The following SPACDR variants were observed in gnomAD, a reference collection of about 807,000 sequenced individuals.
SPACDR encodes uncharacterized protein C7orf61.
At chr7:100,458,195 GGTGTGTGTGTGTGTGTGTGTGTGT>G in the SPACDR span, among the ~76,000 whole-genome samples, 2 of 137,014 alleles carry the variant, frequency 1.5e-5, no homozygotes, top group Admixed American at 7.7e-5. Context: ...TGTACTCACT[GGTGTGTGTGTGTGTGTGTGTGTGT>G]GTGTGTGTGT....
chr7:100,459,893 A>ATT, the SPACDR span, among the ~76,000 whole-genome samples: 1 of 141,410 alleles, frequency 7.1e-6, no homozygotes. Flanking sequence ...CCACATTTAG[A>ATT]TTTTTTTTTT....
chr7:100,463,989 G>A, the SPACDR span: 181 of 1,601,582 alleles, frequency 1.1e-4, no homozygotes, highest in Non-Finnish European at 1.4e-4. Flanking sequence ...TGCCAAGCCC[G>A]TCTAACCCAT....
chr7:100,459,001 CT>C, the SPACDR span, among the ~76,000 whole-genome samples: 950 of 135,240 alleles, frequency 7.0e-3, 5 homozygotes, highest in African/African-American at 0.019. Flanking sequence ...TCCTTTTTAC[CT>C]TTTTTTTTTT....
At chr7:100,462,877 AGGCAGGTGG>A in the SPACDR span, among the ~76,000 whole-genome samples, 1 of 147,278 alleles carries the variant, frequency 6.8e-6, no homozygotes, top group Admixed American at 6.7e-5. Flanking sequence ...TGGGAGGCTG[AGGCAGGTGG>A]ATCACTTGAG....
chr7:100,457,803 A>ATGTGTGTGTG, the SPACDR span, among the ~76,000 whole-genome samples: 7,410 of 72,326 alleles, frequency 0.1, 551 homozygotes, highest in Non-Finnish European at 0.12. Flanking sequence ...ATATATATAT[A>ATGTGTGTGTG]TGTGTGTGTG....
the SPACDR span, chr7:100,456,894 A>T: frequency 1.5e-5 from 25 of 1,613,640 alleles, no homozygotes; most frequent in Non-Finnish European, 1.9e-5. Context: ...CCACAGCACC[A>T]GGTACACCTC....
the SPACDR span, among the ~76,000 whole-genome samples, chr7:100,462,088 A>G: frequency 6.6e-6 from 1 of 151,992 alleles, no homozygotes; most frequent in East Asian, 1.9e-4. Context: ...ACACTCAACA[A>G]TGTGTGGATA....
At chr7:100,463,561 T>C in the SPACDR span, 2 of 1,613,904 alleles carry the variant, frequency 1.2e-6, no homozygotes, top group African/African-American at 1.3e-5. Context: ...TAGCCTCTTT[T>C]GGGAGCTCGA....
chr7:100,458,019 T>G, the SPACDR span, among the ~76,000 whole-genome samples: 6 of 151,754 alleles, frequency 4.0e-5, no homozygotes, highest in African/African-American at 1.2e-4. Context: ...TTTGAGATCA[T>G]TGTAGACTGA....
the SPACDR span, among the ~76,000 whole-genome samples, chr7:100,457,389 G>T: frequency 9.9e-5 from 15 of 152,034 alleles, no homozygotes; most frequent in Non-Finnish European, 1.6e-4. Flanking sequence ...CATGATCTCA[G>T]CTCACTGCAT....
At chr7:100,463,479 C>T in the SPACDR span, 4 of 1,613,772 alleles carry the variant, frequency 2.5e-6, no homozygotes, top group African/African-American at 1.3e-5. Context: ...CCCAGCTCCA[C>T]CTCGGTCTCC....
At chr7:100,461,660 C>A in the SPACDR span, among the ~76,000 whole-genome samples, 5 of 152,072 alleles carry the variant, frequency 3.3e-5, no homozygotes, top group Non-Finnish European at 7.4e-5. Context: ...CAAGCTAACA[C>A]CTTCAGGCCT....
the SPACDR span, among the ~76,000 whole-genome samples, chr7:100,457,857 ATTTTT>A: frequency 0.17 from 14,619 of 87,852 alleles, 1,147 homozygotes; most frequent in Middle Eastern, 0.25. Context: ...ATATATATAT[ATTTTT>A]TTTTTTTTTT....
At chr7:100,463,270 G>A in the SPACDR span, 4 of 1,085,422 alleles carry the variant, frequency 3.7e-6, no homozygotes, top group Non-Finnish European at 5.3e-6. Context: ...CACTGCACCA[G>A]GCCAGGAAAC....
At chr7:100,459,001 CTTTTTTTTTT>C in the SPACDR span, among the ~76,000 whole-genome samples, 1 of 135,288 alleles carries the variant, frequency 7.4e-6, no homozygotes, top group African/African-American at 2.9e-5. Context: ...TCCTTTTTAC[CTTTTTTTTTT>C]TTTTTTTTTT....
chr7:100,462,204 TTTTTTA>T, the SPACDR span, among the ~76,000 whole-genome samples: 1 of 152,106 alleles, frequency 6.6e-6, no homozygotes. Context: ...ATAGGAAATA[TTTTTTA>T]TTTTTATTAT....
At chr7:100,461,853 C>T in the SPACDR span, among the ~76,000 whole-genome samples, 1 of 151,584 alleles carries the variant, frequency 6.6e-6, no homozygotes, top group Admixed American at 6.6e-5. Flanking sequence ...TTTAGCTGGG[C>T]GTGGTGGCGG....
the SPACDR span, among the ~76,000 whole-genome samples, chr7:100,460,070 T>A: frequency 1.3e-5 from 2 of 151,868 alleles, no homozygotes; most frequent in Admixed American, 6.6e-5. Flanking sequence ...TTTGTATTTT[T>A]AGTACAGACG....
chr7:100,461,416 A>G, the SPACDR span, among the ~76,000 whole-genome samples: 2 of 151,876 alleles, frequency 1.3e-5, no homozygotes, highest in African/African-American at 4.8e-5. Flanking sequence ...AGCTGGGACT[A>G]CAGCTGTGAG....
Sources: allele counts gnomAD v4.1 joint callset (sites outside exome capture counted in the v4.1 genomes callset), GRCh38; gene constraint gnomAD v4.1.1; transcripts MANE v1.5; gene names NCBI Gene and HGNC (gene_info 2026-07-23, HGNC 2026-07-21).